The following ABCC1 variants were observed in gnomAD, a reference collection of about 807,000 sequenced individuals.
ABCC1 encodes the protein ATP binding cassette subfamily C member 1 (ABCC1 blood group), also known as multidrug resistance-associated protein 1.
ABCC1 carries 83 observed loss-of-function variants against 172.9 expected under a neutral mutation model. The observed-to-expected ratio is 0.48, with a 90% CI of 0.40 to 0.58. The LOEUF (loss-of-function observed/expected upper bound fraction) is 0.58, where lower values mean the gene tolerates loss of function less well. ABCC1 is among the 20% of genes least tolerant of loss of function. The pLI is 0.00. For synonymous variants in ABCC1, 937 were observed against 825.2 expected (o/e 1.14, Z -2.32); for missense variants, 1,817 against 2,002.7 (o/e 0.91, Z 1.77).
intron 12 of ABCC1, among the ~76,000 whole-genome samples, chr16:16,063,111 A>G (rs1451425241): frequency 4.6e-5 from 7 of 151,908 alleles, no homozygotes; most frequent in Non-Finnish European, 1.0e-4. Context: ...ATATTTATAC[A>G]TTTCTGTATT....
intron 22 of ABCC1, among the ~76,000 whole-genome samples, chr16:16,111,908 A>G (rs2052404189): frequency 6.6e-6 from 1 of 152,218 alleles, no homozygotes; most frequent in Admixed American, 6.5e-5. Flanking sequence ...TCACAGTGAC[A>G]GAGCTTCCAT....
intron 1 of ABCC1, among the ~76,000 whole-genome samples, chr16:16,006,101 C>G (rs1179556749): frequency 1.3e-5 from 2 of 151,996 alleles, no homozygotes; most frequent in Non-Finnish European, 2.9e-5. Context: ...GCAATAACAA[C>G]AAGCCATCTA....
chr16:16,121,350 CTTG>C (rs754851436), intron 23 of ABCC1, among the ~76,000 whole-genome samples: 56 of 152,298 alleles, frequency 3.7e-4, no homozygotes, highest in Non-Finnish European at 6.0e-4. Flanking sequence ...CCGAGCAAGC[CTTG>C]TTGTTCCCAT....
intron 25 of ABCC1, among the ~76,000 whole-genome samples, chr16:16,125,536 C>G (rs551569462): frequency 6.6e-6 from 1 of 151,984 alleles, no homozygotes; most frequent in African/African-American, 2.4e-5. Flanking sequence ...TCAAGTGATT[C>G]TTCTGCCTCA....
chr16:16,131,595 C>T (rs986106293), intron 26 of ABCC1, among the ~76,000 whole-genome samples, 194 bp from the exon 27 acceptor site: 2 of 151,982 alleles, frequency 1.3e-5, no homozygotes, highest in East Asian at 3.9e-4. Flanking sequence ...AGAGGGTGCT[C>T]TGTATCGACC....
intron 26 of ABCC1, among the ~76,000 whole-genome samples, chr16:16,131,422 G>A (rs1209131309): frequency 6.6e-6 from 1 of 152,166 alleles, no homozygotes; most frequent in African/African-American, 2.4e-5. Context: ...TCTGAGCCCT[G>A]GGATACAGCA....
intron 1 of ABCC1, among the ~76,000 whole-genome samples, chr16:16,004,286 T>A (rs992948994): frequency 4.6e-5 from 7 of 152,232 alleles, no homozygotes; most frequent in African/African-American, 1.2e-4. Context: ...ATTAAATGTT[T>A]AACATTGGAA....
chr16:16,107,862 A>G (rs1313754888), intron 21 of ABCC1, among the ~76,000 whole-genome samples: 1 of 151,538 alleles, frequency 6.6e-6, no homozygotes, highest in Non-Finnish European at 1.5e-5. Context: ...TAAAGTAGGT[A>G]AAAAATAAGC....
rs190395566 is a variant in ABCC1, at chr16:16,098,576, G to T, written c.2645-4051G>T. On this transcript the variant is annotated intron_variant, in intron 19 of 30. Coordinates refer to ENST00000399410, the MANE Select transcript of ABCC1 (RefSeq NM_004996.4). ...GGAGGTTGCGGTGAGCTAAGATCAC[G>T]CCACTTCCCTCCAGCCTGGGCTAAA... Among the ~76,000 whole-genome samples the T allele has an allele frequency of 2.0e-5, 3 of 152,336 alleles. No individual in the cohort carries two copies. In the South Asian group the frequency reaches 6.2e-4, roughly 32 times the overall value.
At chr16:16,102,448 C>G (rs574913337) in intron 19 of ABCC1, among the ~76,000 whole-genome samples, 179 bp from the exon 20 acceptor site, 1 of 152,240 alleles carries the variant, frequency 6.6e-6, no homozygotes, top group Admixed American at 6.5e-5. Flanking sequence ...CAGATACCAC[C>G]TGCCCCACAA....
rs1391194016 is a variant in ABCC1, at chr16:15,973,944, C to T, written c.48+24145C>T. Among the ~76,000 whole-genome samples the T allele has an allele frequency of 2.6e-5, 4 of 152,136 alleles. No individual in the cohort carries two copies. The East Asian group carries it at 7.7e-4, about 29-fold the overall frequency. On this transcript the variant is annotated intron_variant, in intron 1 of 30. Transcript: ENST00000399410. ...AGGCTGCGGTGAGCCACGATTGCAC[C>T]ACCGTATTCCAGCTTGGGTGACAGA...
At chr16:15,949,864 G>C in intron 1 of ABCC1, 65 bp downstream of exon 1, 2 of 1,163,102 alleles carry the variant, frequency 1.7e-6, no homozygotes, top group Non-Finnish European at 2.1e-6. Flanking sequence ...GGAAAGCACC[G>C]GGCCCGCAGC....
chr16:16,037,326 C>T (rs1292662909), intron 7 of ABCC1, among the ~76,000 whole-genome samples: 5 of 152,274 alleles, frequency 3.3e-5, no homozygotes, highest in South Asian at 4.1e-4. Flanking sequence ...TTTGGCTGTA[C>T]TGGATTTTAG....
At chr16:15,975,310 G>C (rs1449231599) in intron 1 of ABCC1, among the ~76,000 whole-genome samples, 1 of 152,154 alleles carries the variant, frequency 6.6e-6, no homozygotes, top group Non-Finnish European at 1.5e-5. Flanking sequence ...ATCTGCCCCA[G>C]TTTGCTTGGC....
At chr16:16,128,194 G>C (rs1248302701) in intron 26 of ABCC1, among the ~76,000 whole-genome samples, 4 of 142,042 alleles carry the variant, frequency 2.8e-5, no homozygotes, top group Non-Finnish European at 6.2e-5. Context: ...TTTTTTTTTT[G>C]TTTGTTTGAG....
At chr16:15,968,797 A>G (rs1334929847) in intron 1 of ABCC1, among the ~76,000 whole-genome samples, 3 of 152,096 alleles carry the variant, frequency 2.0e-5, no homozygotes, top group East Asian at 3.9e-4. Flanking sequence ...ATCATGGCCC[A>G]CTGCAGCCAT....
chr16:16,043,979 T>C (rs2049093493), intron 7 of ABCC1, among the ~76,000 whole-genome samples: 2 of 152,242 alleles, frequency 1.3e-5, no homozygotes, highest in South Asian at 4.1e-4. Context: ...ATGATTGTTT[T>C]GACTGTTCTG....
At chr16:16,132,505 T>G (rs1320829127) in intron 27 of ABCC1, among the ~76,000 whole-genome samples, 3 of 114,866 alleles carry the variant, frequency 2.6e-5, no homozygotes, top group Non-Finnish European at 3.7e-5. Context: ...GTTTTTTGGT[T>G]GGTTGTTTTT....
chr16:16,056,404 G>A, intron 12 of ABCC1, 109 bp downstream of exon 12: 3 of 1,288,070 alleles, frequency 2.3e-6, no homozygotes, highest in Non-Finnish European at 3.2e-6. Flanking sequence ...AGTGGCTCAT[G>A]CTTGGTAATC....
Sources: gnomAD v4.1 joint callset for allele counts (sites outside exome capture counted in the v4.1 genomes callset) on GRCh38, gnomAD v4.1.1 for gene constraint, MANE v1.5 for transcripts, NCBI Gene and HGNC (gene_info 2026-07-23, HGNC 2026-07-21) for gene names.